TANC2: variants seen among roughly 807,000 people sequenced by gnomAD.
The protein encoded by TANC2 is protein TANC2.
TANC2 carries 26 observed loss-of-function variants against 210.5 expected under a neutral mutation model. The observed-to-expected ratio is 0.12, with a 90% CI of 0.09 to 0.17. The LOEUF is 0.17. TANC2 is among the 10% of genes least tolerant of loss of function. The pLI is 1.00. For missense variants in TANC2, 2,129 were observed against 2,608.9 expected (o/e 0.82, Z 4.01); for synonymous variants, 931 against 967.1 (o/e 0.96, Z 0.69).
At chr17:63,005,729 T>G (rs868426229) in intron 1 of TANC2, among the ~76,000 whole-genome samples, 1 of 152,264 alleles carries the variant, frequency 6.6e-6, no homozygotes, top group Middle Eastern at 3.4e-3. Context: ...TCTCTTTTCT[T>G]ATAATATCTG....
rs185564915 is a variant in TANC2, at chr17:63,306,895, A to G, written c.1160-7493A>G. ...CTTGAGCCCAGGAATTTGAGGCTGCAGTGAGCTATGATTGCCTCTCCAGCC... is the reference window on the plus strand; with the variant it reads ...CTTGAGCCCAGGAATTTGAGGCTGCGGTGAGCTATGATTGCCTCTCCAGCC... On this transcript the variant is annotated intron_variant, in intron 9 of 27. Coordinates refer to ENST00000689528, the Ensembl canonical transcript of TANC2. Among the ~76,000 whole-genome samples the G allele has an allele frequency of 4.6e-5, 7 of 152,338 alleles. No individual in the cohort carries two copies. In the East Asian group the frequency reaches 1.3e-3, roughly 29 times the overall value.
rs1354024782 is a variant in TANC2, at chr17:63,202,627, A to G, written c.769+1670A>G. On this transcript the variant is annotated intron_variant, in intron 7 of 27. Transcript: ENST00000689528. The stretch of plus-strand genomic sequence containing the variant: ...ATTGCACATGTGAATGTATGGGCTT[A>G]TATTTATACATAGGTAGACAAAAGT... Among the ~76,000 whole-genome samples the G allele has an allele frequency of 2.0e-5, 3 of 152,122 alleles. No individual in the cohort carries two copies. In the East Asian group the frequency reaches 5.8e-4, roughly 29 times the overall value.
chr17:63,029,169 C>T (rs1214846969), intron 2 of TANC2, among the ~76,000 whole-genome samples: 1 of 152,088 alleles, frequency 6.6e-6, no homozygotes, highest in African/African-American at 2.4e-5. Flanking sequence ...ATATATTACA[C>T]AGCCTACGTT....
intron 2 of TANC2, among the ~76,000 whole-genome samples, chr17:63,064,302 C>CA (rs1029438327): frequency 1.3e-5 from 2 of 151,446 alleles, no homozygotes; most frequent in Non-Finnish European, 2.9e-5. Flanking sequence ...ACAAAAATTA[C>CA]AAAAAAAAGT....
chr17:63,208,396 A>G (rs947711297), intron 7 of TANC2, among the ~76,000 whole-genome samples: 1 of 152,144 alleles, frequency 6.6e-6, no homozygotes, highest in South Asian at 2.1e-4. Flanking sequence ...CTCTCCTTAT[A>G]ACAATATTGT....
intron 4 of TANC2, among the ~76,000 whole-genome samples, chr17:63,132,530 T>A (rs2038953915): frequency 6.6e-6 from 1 of 152,198 alleles, no homozygotes; most frequent in Admixed American, 6.5e-5. Context: ...GAATGCTAGT[T>A]CTGTCTCTCC....
intron 4 of TANC2, among the ~76,000 whole-genome samples, chr17:63,140,104 C>T (rs529050869): frequency 6.6e-4 from 101 of 152,254 alleles, no homozygotes; most frequent in Non-Finnish European, 1.1e-3. Context: ...AAATCAATAT[C>T]ATGAACATAA....
intron 2 of TANC2, among the ~76,000 whole-genome samples, chr17:63,065,777 T>C (rs1472805916): frequency 6.6e-6 from 1 of 152,240 alleles, no homozygotes; most frequent in African/African-American, 2.4e-5. Flanking sequence ...TTGAGTTCCT[T>C]GTATATTTTG....
At chr17:63,015,026 C>G (rs1190821349) in intron 2 of TANC2, among the ~76,000 whole-genome samples, 2 of 151,838 alleles carry the variant, frequency 1.3e-5, no homozygotes, top group Non-Finnish European at 2.9e-5. Flanking sequence ...TTTATTATTA[C>G]AGTTTTTTTC....
chr17:63,239,934 G>A (rs143224953), intron 8 of TANC2, among the ~76,000 whole-genome samples: 1 of 152,018 alleles, frequency 6.6e-6, no homozygotes, highest in African/African-American at 2.4e-5. Flanking sequence ...GGAGGAGGAG[G>A]TTGCACACAC....
chr17:63,378,745 G>A (rs1598980707), intron 14 of TANC2, among the ~76,000 whole-genome samples: 1 of 152,148 alleles, frequency 6.6e-6, no homozygotes, highest in Admixed American at 6.5e-5. Context: ...TGACAGTATG[G>A]CAAACACTGT....
At chr17:63,389,839 C>A (rs536489898) in intron 17 of TANC2, 3 of 366,722 alleles carry the variant, frequency 8.2e-6, no homozygotes, top group Non-Finnish European at 1.5e-5. Context: ...GAAGAAGCCT[C>A]TTTTTAACAA....
Position 63,140,886 on chromosome 17 carries a change from A to G in TANC2, c.323-10384A>G, listed in dbSNP as rs118035675. ...TGCAGCCTCCCGAGTAGCTGGGACT[A>G]CAGGCCCTCACCACCACTACACCTG... On this transcript the variant is annotated intron_variant, in intron 4 of 27. Coordinates refer to ENST00000689528, the Ensembl canonical transcript of TANC2. Among the ~76,000 whole-genome samples the G allele has an allele frequency of 3.7e-4, 57 of 152,116 alleles. 1 individual carries two copies. In the East Asian group the frequency reaches 9.6e-3, roughly 26 times the overall value.
rs1298703167 is a variant in TANC2, at chr17:63,274,781, ACACTC to A, written c.1159+6911_1159+6915del. Among the ~76,000 whole-genome samples the A allele has an allele frequency of 3.3e-5, 5 of 152,202 alleles. No homozygotes were observed. In the East Asian group the frequency reaches 9.7e-4, roughly 29 times the overall value. ...TGCAGTGAGCCAAGATCGTGCCACT[ACACTC>A]CAGCCTGGGCAACAGTCTCAAAAAA... On this transcript the variant is annotated intron_variant, in intron 9 of 27. Transcript: ENST00000689528.
chr17:63,355,356 G>C, exon 14 of TANC2: 1 of 1,594,754 alleles, frequency 6.3e-7, no homozygotes, highest in Non-Finnish European at 8.5e-7. Context: ...CTGGAGAGAA[G>C]AAGGAGAGAA....
intron 19 of TANC2, among the ~76,000 whole-genome samples, chr17:63,400,039 G>A (rs894963810): frequency 3.3e-5 from 5 of 152,230 alleles, no homozygotes; most frequent in African/African-American, 1.2e-4. Flanking sequence ...CCAGAGGACA[G>A]GCTGAGGGGA....
Position 63,420,644 on chromosome 17 carries a change from T to C in TANC2, c.4914T>C (p.Tyr1638=). The stretch of plus-strand genomic sequence containing the variant: ...CTCCAGCTGAAAGTATGAGTGTCTA[T>C]AGATCCCAGTCTGGTTCACCCGTGC... The change falls in exon 28 of 28, where the codon TAT becomes TAC. Residue 1638 remains tyrosine (Y), a synonymous_variant. Coordinates refer to ENST00000689528, the Ensembl canonical transcript of TANC2. The surrounding 1 kb of genome is among the most constrained non-coding windows in gnomAD (Gnocchi z 4.2). 1.9e-6 allele frequency: 3 copies of C among 1,613,868 alleles called. No homozygotes were observed. The South Asian group carries it at 3.3e-5, about 18-fold the overall frequency.
At chr17:63,398,634 C>G (rs1304214701) in intron 18 of TANC2, among the ~76,000 whole-genome samples, 187 bp from the exon 19 acceptor site, 1 of 152,096 alleles carries the variant, frequency 6.6e-6, no homozygotes, top group Non-Finnish European at 1.5e-5. Flanking sequence ...CAAACCATAC[C>G]TGATAAGACA....
At chr17:63,397,117 A>G (rs1048278699) in intron 18 of TANC2, 2 of 152,188 alleles carry the variant, frequency 1.3e-5, no homozygotes, top group Non-Finnish European at 2.9e-5. Flanking sequence ...TGTACTAAAA[A>G]TACAAAAATT....
Sources: gnomAD v4.1 joint callset for allele counts (sites outside exome capture counted in the v4.1 genomes callset) on GRCh38, gnomAD v4.1.1 for gene constraint, Gnocchi (gnomAD v3.1) non-coding constraint, MANE v1.5 for transcripts, NCBI Gene and HGNC (gene_info 2026-07-23, HGNC 2026-07-21) for gene names.